Variants in MELK observed in about 807,000 individuals in gnomAD.
MELK encodes pEg3 kinase.
In MELK, 81 loss-of-function variants were observed where a neutral mutation model predicts 85.0. That is an observed-to-expected ratio of 0.95 (90% CI 0.80 to 1.15). The LOEUF is 1.15. MELK is among the 50% of genes most tolerant of loss of function. MELK has a pLI of 0.00. For synonymous variants in MELK, 252 were observed against 265.0 expected (o/e 0.95, Z 0.48); for missense variants, 754 against 777.5 (o/e 0.97, Z 0.36).
chr9:36,655,940 T>C (rs1354032049), intron 12 of MELK, among the ~76,000 whole-genome samples: 1 of 151,944 alleles, frequency 6.6e-6, no homozygotes, highest in African/African-American at 2.4e-5. Flanking sequence ...AGTGAGACTT[T>C]GGGAAAAAAA....
chr9:36,634,909 A>G (rs1019596731), intron 10 of MELK, among the ~76,000 whole-genome samples: 1 of 152,200 alleles, frequency 6.6e-6, no homozygotes, highest in African/African-American at 2.4e-5. Flanking sequence ...AGGCAGGAGA[A>G]TAGCTTGAAC....
At chr9:36,605,944 C>A (rs1160569691) in intron 7 of MELK, among the ~76,000 whole-genome samples, 1 of 149,144 alleles carries the variant, frequency 6.7e-6, no homozygotes. Context: ...CAGAGTGAGA[C>A]CCTGTCTCTA....
At chr9:36,606,252 CTAGTCTATATGTATA>C (rs1297255896) in intron 7 of MELK, among the ~76,000 whole-genome samples, 1 of 147,058 alleles carries the variant, frequency 6.8e-6, no homozygotes, top group Non-Finnish European at 1.5e-5. Flanking sequence ...AGGCTAATTT[CTAGTCTATATGTATA>C]TATAATATAT....
chr9:36,581,591 G>A lies in MELK; in HGVS notation c.-38-53G>A, dbSNP rs114425955. On this transcript the variant is annotated intron_variant, in intron 1 of 17. Coordinates refer to ENST00000298048, the MANE Select transcript of MELK (RefSeq NM_014791.4). Reference sequence around the variant, plus strand: ...TTAGATTTGCAGTTACAAGAATGGAGGAGATGATCCGGTATTATTTCCTTT... The same window carrying A: ...TTAGATTTGCAGTTACAAGAATGGAAGAGATGATCCGGTATTATTTCCTTT... 1.3e-3 allele frequency: 1,121 copies of A among 879,132 alleles called. 5 individuals carry two copies. The African/African-American group carries it at 0.016, about 13-fold the overall frequency. The allele number at this position is 879,132 out of a possible 1,614,324, so 54.5% of individuals were successfully genotyped here.
At chr9:36,667,309 C>T (rs1214160361) in intron 14 of MELK, among the ~76,000 whole-genome samples, 1 of 152,018 alleles carries the variant, frequency 6.6e-6, no homozygotes, top group South Asian at 2.1e-4. Flanking sequence ...GCGCCTGCTA[C>T]CACGCTCAGC....
intron 8 of MELK, among the ~76,000 whole-genome samples, chr9:36,611,493 T>C (rs186527671): frequency 6.6e-6 from 1 of 152,308 alleles, no homozygotes; most frequent in African/African-American, 2.4e-5. Context: ...TAGTTGCACA[T>C]TAGAATTGCT....
At chr9:36,619,564 C>A (rs1465048528) in intron 8 of MELK, among the ~76,000 whole-genome samples, 1 of 151,816 alleles carries the variant, frequency 6.6e-6, no homozygotes, top group Non-Finnish European at 1.5e-5. Context: ...TAAAAAGTCT[C>A]AATAAAGATG....
chr9:36,616,028 G>A (rs1464115672), intron 8 of MELK, among the ~76,000 whole-genome samples: 2 of 152,108 alleles, frequency 1.3e-5, no homozygotes, highest in East Asian at 1.9e-4. Context: ...CTCGGGCCCC[G>A]CGGGGCCCGT....
intron 8 of MELK, among the ~76,000 whole-genome samples, chr9:36,616,387 C>CTTTTTTTTTTTTTTTTTTTTTT (rs60212848): frequency 2.6e-5 from 3 of 114,626 alleles, no homozygotes; most frequent in Non-Finnish European, 3.7e-5. Context: ...ATGTCAAACT[C>CTTTTTTTTTTTTTTTTTTTTTT]TTTTTTTTTT....
At chr9:36,674,248 G>C (rs1833142814) in intron 16 of MELK, among the ~76,000 whole-genome samples, 1 of 152,098 alleles carries the variant, frequency 6.6e-6, no homozygotes, top group South Asian at 2.1e-4. Context: ...TATCAATTAG[G>C]AATGAAATTA....
At chr9:36,662,636 G>T (rs922913744) in intron 13 of MELK, among the ~76,000 whole-genome samples, 2 of 152,180 alleles carry the variant, frequency 1.3e-5, no homozygotes, top group East Asian at 3.8e-4. Context: ...TGCTATTGAT[G>T]TGTCCAGTGT....
intron 4 of MELK, among the ~76,000 whole-genome samples, chr9:36,591,678 C>T (rs1374476699): frequency 6.7e-6 from 1 of 149,380 alleles, no homozygotes; most frequent in Non-Finnish European, 1.5e-5. Context: ...TGCCTGTAAT[C>T]CCAGCACTTT....
chr9:36,574,449 AAAAATT>A (rs1412205260), intron 1 of MELK, among the ~76,000 whole-genome samples: 23 of 151,496 alleles, frequency 1.5e-4, no homozygotes, highest in African/African-American at 5.3e-4. Context: ...AAAAAAAAAA[AAAAATT>A]AACCGGGCAT....
rs1165218838 is a variant in MELK at position 36,669,401 on chromosome 9, G to C, written c.1500G>C (p.Glu500Asp). The change falls in exon 15 of 18, where the codon GAG becomes GAC. Residue 500 changes from glutamate (E) to aspartate (D), a missense_variant. Glu to Asp is a conservative substitution (Grantham distance 45). Coordinates refer to ENST00000298048, the MANE Select transcript of MELK (RefSeq NM_014791.4). ...TAATGACAGGTGTCATTAGCCCTGAGAGGCGGTAAGTGTTTGGTTTTTTTA... is the reference window on the plus strand; with the variant it reads ...TAATGACAGGTGTCATTAGCCCTGACAGGCGGTAAGTGTTTGGTTTTTTTA... ...DKLMTGVISP[E>D]RRCRSVELDL... is the part of the protein sequence containing the mutation. 1.8e-5 allele frequency: 29 copies of C among 1,591,470 alleles called. No individual in the cohort carries two copies. The highest frequency in any genetic ancestry group is 2.0e-5 in the Non-Finnish European group (24 of 1,171,628).
At chr9:36,641,888 T>G (rs1468029259) in intron 10 of MELK, among the ~76,000 whole-genome samples, 1 of 152,132 alleles carries the variant, frequency 6.6e-6, no homozygotes, top group African/African-American at 2.4e-5. Context: ...ATTACAGGCG[T>G]GAGCCACCGC....
chr9:36,604,273 T>C (rs1299458825), intron 7 of MELK, among the ~76,000 whole-genome samples: 1 of 97,466 alleles, frequency 1.0e-5, no homozygotes, highest in African/African-American at 5.6e-5. Flanking sequence ...CCGGGCTTTT[T>C]TTTTTTTTTT....
At chr9:36,663,734 TCTATC>T (rs1313719666) in intron 13 of MELK, among the ~76,000 whole-genome samples, 2 of 152,188 alleles carry the variant, frequency 1.3e-5, no homozygotes, top group African/African-American at 4.8e-5. Flanking sequence ...TGAATAGTAT[TCTATC>T]TGTGTGTCTG....
chr9:36,580,038 C>CTTTTTTT (rs58166111), intron 1 of MELK, among the ~76,000 whole-genome samples: 231 of 117,936 alleles, frequency 2.0e-3, no homozygotes, highest in East Asian at 2.5e-3. Context: ...TTCATGTCTT[C>CTTTTTTT]TTTTTTTTTT....
intron 8 of MELK, chr9:36,629,876 GCT>G (rs2136451714): frequency 7.8e-6 from 1 of 128,510 alleles, no homozygotes; most frequent in Non-Finnish European, 1.5e-5. Context: ...ATGGAGTCTC[GCT>G]CTGTCACCCA....
Sources: gnomAD v4.1 joint callset for allele counts (sites outside exome capture counted in the v4.1 genomes callset) on GRCh38, gnomAD v4.1.1 for gene constraint, MANE v1.5 for transcripts, NCBI Gene and HGNC (gene_info 2026-07-23, HGNC 2026-07-21) for gene names.